RABGAP1L: variants seen among roughly 807,000 people sequenced by gnomAD.
The protein encoded by RABGAP1L is rab GTPase-activating protein 1-like.
RABGAP1L carries 63 observed loss-of-function variants against 137.7 expected under a neutral mutation model. The observed-to-expected ratio is 0.46, with a 90% CI of 0.37 to 0.56. The LOEUF (loss-of-function observed/expected upper bound fraction) is 0.56, where lower values mean the gene tolerates loss of function less well. Among genes scored for constraint, RABGAP1L ranks in the 20% least tolerant of loss-of-function variants. The probability of loss-of-function intolerance (pLI) is 0.00; values close to 1 mark genes in which losing one functional copy is unlikely to be tolerated. For synonymous variants in RABGAP1L, 431 were observed against 433.7 expected (o/e 0.99, Z 0.08); for missense variants, 1,095 against 1,244.0 (o/e 0.88, Z 1.80).
intron 15 of RABGAP1L, among the ~76,000 whole-genome samples, chr1:174,692,640 A>AT (rs986925313): frequency 1.5e-4 from 23 of 152,310 alleles, no homozygotes; most frequent in African/African-American, 5.1e-4. Context: ...CCAGCAAATC[A>AT]TTTTAACAGA....
At chr1:174,572,904 A>G (rs1385626007) in intron 13 of RABGAP1L, among the ~76,000 whole-genome samples, 3 of 152,192 alleles carry the variant, frequency 2.0e-5, no homozygotes, top group Non-Finnish European at 4.4e-5. Context: ...GTGCAGAATC[A>G]TAGCAGAATC....
chr1:174,244,288 A>G (rs911650334), intron 5 of RABGAP1L: 2 of 152,074 alleles, frequency 1.3e-5, no homozygotes, highest in African/African-American at 4.8e-5. Flanking sequence ...TTTTATTTTT[A>G]TTTTCGCAGA....
At chr1:174,189,328 A>T (rs1667040857) in intron 1 of RABGAP1L, among the ~76,000 whole-genome samples, 1 of 152,104 alleles carries the variant, frequency 6.6e-6, no homozygotes, top group Non-Finnish European at 1.5e-5. Flanking sequence ...TCAGTAGAAG[A>T]TTGTTTGTTT....
intron 13 of RABGAP1L, among the ~76,000 whole-genome samples, chr1:174,515,237 T>C (rs1662715941): frequency 6.6e-6 from 1 of 152,144 alleles, no homozygotes; most frequent in African/African-American, 2.4e-5. Flanking sequence ...TTGACAAATA[T>C]TAAGAACAAC....
At chr1:174,525,749 A>G (rs1663819268) in intron 13 of RABGAP1L, among the ~76,000 whole-genome samples, 1 of 152,122 alleles carries the variant, frequency 6.6e-6, no homozygotes, top group Non-Finnish European at 1.5e-5. Flanking sequence ...TTTTCGGTTC[A>G]GTATATGTTA....
At chr1:174,863,559 G>A (rs993251861) in intron 19 of RABGAP1L, among the ~76,000 whole-genome samples, 5 of 151,826 alleles carry the variant, frequency 3.3e-5, no homozygotes, top group Non-Finnish European at 5.9e-5. Flanking sequence ...TGTAGTCCCA[G>A]CTACTCGGGA....
intron 13 of RABGAP1L, among the ~76,000 whole-genome samples, chr1:174,395,286 T>G (rs1385267157): frequency 6.6e-6 from 1 of 152,180 alleles, no homozygotes; most frequent in Non-Finnish European, 1.5e-5. Flanking sequence ...TTGCATGTGT[T>G]AGATTAAGTG....
chr1:174,703,032 A>G (rs1431862189), intron 17 of RABGAP1L, among the ~76,000 whole-genome samples: 4 of 152,166 alleles, frequency 2.6e-5, no homozygotes, highest in Non-Finnish European at 5.9e-5. Flanking sequence ...AATCAAAAGT[A>G]TAAGCTTATC....
At chr1:174,731,224 G>A (rs992164698) in intron 17 of RABGAP1L, among the ~76,000 whole-genome samples, 1 of 152,092 alleles carries the variant, frequency 6.6e-6, no homozygotes, top group Non-Finnish European at 1.5e-5. Flanking sequence ...TACCCGCCTC[G>A]GCCTCCCAAA....
intron 13 of RABGAP1L, among the ~76,000 whole-genome samples, chr1:174,499,423 A>G (rs2149372474): frequency 6.6e-6 from 1 of 152,292 alleles, no homozygotes; most frequent in East Asian, 1.9e-4. Flanking sequence ...CAAAATGTGG[A>G]TTATTGTTTT....
At chr1:174,245,014 T>C (rs1672139290) in intron 5 of RABGAP1L, 1 of 152,188 alleles carries the variant, frequency 6.6e-6, no homozygotes, top group East Asian at 1.9e-4. Flanking sequence ...TATTGCATTG[T>C]TTTTTCTTGG....
At chr1:174,655,879 TG>T (rs1426429422) in intron 14 of RABGAP1L, among the ~76,000 whole-genome samples, 1 of 152,234 alleles carries the variant, frequency 6.6e-6, no homozygotes, top group Non-Finnish European at 1.5e-5. Flanking sequence ...CCTTTCTTTA[TG>T]GTTCAGAAAG....
At position 174,240,216 on chromosome 1, in the gene RABGAP1L, A is replaced by ATTTGT. The variant is rs538971761; in HGVS notation, c.543-1248_543-1244dup. ...TGTGTAGATCAGTCCAGGACTTAGGATTTGTTTTGTTTTGTTTTGTTTTTG... is the reference window on the plus strand; with the variant it reads ...TGTGTAGATCAGTCCAGGACTTAGGATTTGTTTTGTTTTGTTTTGTTTTGTTTTTG... On this transcript the variant is annotated intron_variant, in intron 4 of 25. Coordinates refer to ENST00000681986, the MANE Select transcript of RABGAP1L (RefSeq NM_001366446.1). Among the ~76,000 whole-genome samples the ATTTGT allele has an allele frequency of 4.8e-3, 593 of 123,702 alleles. 4 individuals are homozygous for ATTTGT. The highest frequency in any genetic ancestry group is 0.015 in the African/African-American group (511 of 33,284). 81.2% of individuals were successfully genotyped at this position (123,702 alleles called of 152,430 possible). A position where few individuals can be genotyped will look rare whatever the true frequency, so the allele number is the denominator to read the frequency against.
chr1:174,719,566 A>G (rs1681316019), intron 17 of RABGAP1L, among the ~76,000 whole-genome samples: 1 of 152,204 alleles, frequency 6.6e-6, no homozygotes, highest in Non-Finnish European at 1.5e-5. Flanking sequence ...CTTTTCCTTA[A>G]TGGGGCTACT....
At chr1:174,432,297 T>G (rs1652730486) in intron 13 of RABGAP1L, among the ~76,000 whole-genome samples, 1 of 152,216 alleles carries the variant, frequency 6.6e-6, no homozygotes, top group African/African-American at 2.4e-5. Context: ...ATTTAATTTT[T>G]TATGGCTGTG....
intron 19 of RABGAP1L, among the ~76,000 whole-genome samples, chr1:174,837,316 C>T (rs940024377): frequency 6.6e-6 from 1 of 152,022 alleles, no homozygotes; most frequent in East Asian, 1.9e-4. Context: ...AGGTCATTAC[C>T]TGGAAATTGA....
chr1:174,878,669 A>G (rs1251936317), intron 19 of RABGAP1L, among the ~76,000 whole-genome samples: 1 of 152,152 alleles, frequency 6.6e-6, no homozygotes, highest in Non-Finnish European at 1.5e-5. Flanking sequence ...AAGGCACAGG[A>G]ACCTTAAAAA....
intron 1 of RABGAP1L, among the ~76,000 whole-genome samples, chr1:174,206,090 A>G (rs999371758): frequency 1.3e-5 from 2 of 152,158 alleles, no homozygotes; most frequent in African/African-American, 4.8e-5. Context: ...CACTAGTCCA[A>G]AAATCTTAGA....
intron 13 of RABGAP1L, among the ~76,000 whole-genome samples, chr1:174,531,991 A>G (rs1000072922): frequency 6.6e-6 from 1 of 152,096 alleles, no homozygotes; most frequent in Admixed American, 6.6e-5. Flanking sequence ...TTTTCTCAAG[A>G]AGCTACTGTA....
Sources: allele counts gnomAD v4.1 joint callset (sites outside exome capture counted in the v4.1 genomes callset), GRCh38; gene constraint gnomAD v4.1.1; transcripts MANE v1.5; gene names NCBI Gene and HGNC (gene_info 2026-07-23, HGNC 2026-07-21).